Variants in KMT2A observed in about 807,000 individuals in gnomAD.
KMT2A encodes histone-lysine N-methyltransferase 2A.
KMT2A carries 16 observed loss-of-function variants against 345.3 expected under a neutral mutation model. The ratio of observed to expected loss-of-function variants is 0.05; its 90% CI spans 0.03 to 0.07. KMT2A has a LOEUF of 0.07. Ranked by LOEUF, KMT2A falls within the 10% of genes least tolerant of loss-of-function variation. The probability of loss-of-function intolerance (pLI) is 1.00; values close to 1 mark genes in which losing one functional copy is unlikely to be tolerated. For synonymous variants in KMT2A, 1,599 were observed against 1,778.6 expected, an observed-to-expected ratio of 0.90 and a Z score of 2.54; for missense variants, 3,272 against 4,841.6, an observed-to-expected ratio of 0.68 and a Z score of 9.62.
rs542107417 is a variant in KMT2A, at chr11:118,521,518, C to T, written c.11643+101C>T. 8.8e-6 allele frequency: 12 copies of T among 1,360,838 alleles called. No individual in the cohort carries two copies. In the South Asian group the frequency reaches 1.6e-4, roughly 18 times the overall value. The allele number at this position is 1,360,838 out of a possible 1,614,324, so 84.3% of individuals were successfully genotyped here. On this transcript the variant is annotated intron_variant, in intron 35 of 35. Transcript: ENST00000534358. This position sits in a 1 kb window ranked among gnomAD's most constrained non-coding sequence, Gnocchi z 5.3. ...AAAGAAATAGTGTATGTTATCAATTCAGAGACCTTTCTTAAAAAAATAAAC... is the reference window on the plus strand; with the variant it reads ...AAAGAAATAGTGTATGTTATCAATTTAGAGACCTTTCTTAAAAAAATAAAC...
chr11:118,472,938 A>G lies in KMT2A; in HGVS notation c.1779A>G (p.Ala593=). Residue 593 remains alanine (A), a synonymous_variant, in exon 3 of 36, where the codon GCA becomes GCG. Coordinates refer to ENST00000534358, the MANE Select transcript of KMT2A (RefSeq NM_001197104.2). Reference sequence around the variant, plus strand: ...TTATGCCTCCAACAATCCCCTTAGCATCACCATTTTTGCCTGCTTCCACTG... The same window carrying G: ...TTATGCCTCCAACAATCCCCTTAGCGTCACCATTTTTGCCTGCTTCCACTG... ...PWLMPPTIPL[A]SPFLPASTAP... 6.2e-7 allele frequency: 1 copy of G among 1,613,962 alleles called. No homozygotes were observed. The highest frequency in any genetic ancestry group is 8.5e-7 in the Non-Finnish European group (1 of 1,179,994).
Position 118,436,993 on chromosome 11 carries a change from G to C in KMT2A, c.432+49G>C, listed in dbSNP as rs1565558520. ...GTCCGGGGTCTCGACCCTCTGCGGA[G>C]CCCCCTCCCCTCCCCCATCCGGGAT... On this transcript the variant is annotated intron_variant, in intron 1 of 35. Coordinates refer to ENST00000534358, the MANE Select transcript of KMT2A (RefSeq NM_001197104.2). The surrounding 1 kb of genome is among the most constrained non-coding windows in gnomAD (Gnocchi z 6.9). 7.3e-7 allele frequency: 1 copy of C among 1,376,394 alleles called. No homozygotes were observed. The highest frequency in any genetic ancestry group is 2.9e-5 in the East Asian group (1 of 33,946). The allele number at this position is 1,376,394 out of a possible 1,614,324, so 85.3% of individuals were successfully genotyped here. A position where few individuals can be genotyped will look rare whatever the true frequency, so the allele number is the denominator to read the frequency against.
rs1591376428 is a variant in KMT2A, at chr11:118,474,000, T to C, written c.2841T>C (p.Ser947=). 1 of 1,613,704 alleles carries C rather than the reference T, an allele frequency of 6.2e-7. No homozygotes were observed. The highest frequency in any genetic ancestry group is 1.3e-5 in the African/African-American group (1 of 74,832). Reference sequence around the variant, plus strand: ...ATGATTCTGGGACTGATATTACTTCTGTGACTCTTGGGGATACAACAGCTG... The same window carrying C: ...ATGATTCTGGGACTGATATTACTTCCGTGACTCTTGGGGATACAACAGCTG... The part of the protein sequence containing the change: ...SSHDSGTDIT[S]VTLGDTTAVK... Residue 947 remains serine (S), a synonymous_variant, in exon 3 of 36, where the codon TCT becomes TCC. Transcript: ENST00000534358. The surrounding 1 kb of genome is among the most constrained non-coding windows in gnomAD (Gnocchi z 5.2).
chr11:118,462,570 A>T (rs1283001992), intron 1 of KMT2A, among the ~76,000 whole-genome samples: 14 of 151,930 alleles, frequency 9.2e-5, no homozygotes, highest in African/African-American at 2.2e-4. Flanking sequence ...TTATTTATTT[A>T]TTTTTTGAGA....
At chr11:118,506,723 C>A (rs1274497032) in intron 27 of KMT2A, 77 bp downstream of exon 27, 7 of 1,396,536 alleles carry the variant, frequency 5.0e-6, no homozygotes, top group Non-Finnish European at 6.8e-6. Flanking sequence ...ATGTGGTAGT[C>A]CGGGAGAGAC....
At chr11:118,474,369 T>A in intron 3 of KMT2A, 54 bp downstream of exon 3, 19 of 1,561,978 alleles carry the variant, frequency 1.2e-5, no homozygotes, top group Non-Finnish European at 1.6e-5. Flanking sequence ...GCCCTTTCTA[T>A]GGGCAAGTTT....
chr11:118,448,811 G>A (rs1019904971), intron 1 of KMT2A: 2 of 152,162 alleles, frequency 1.3e-5, no homozygotes, highest in African/African-American at 4.8e-5. Flanking sequence ...ATTGTTGCAG[G>A]AATTCTGCAA....
At position 118,473,410 on chromosome 11, in the gene KMT2A, CCTT is replaced by C. The variant is rs1555036432; in HGVS notation, c.2254_2256del (p.Ser752del). ...TCCTATTCGATCTGAACCAAGATCT[CCTT>C]CTCACTCCATGAGGACAAGAAGTGG... On this transcript the variant is annotated inframe_deletion, in exon 3 of 36. Coordinates refer to ENST00000534358, the MANE Select transcript of KMT2A (RefSeq NM_001197104.2). The surrounding 1 kb of genome is among the most constrained non-coding windows in gnomAD (Gnocchi z 5.2). The C allele has an allele frequency of 1.2e-6, 2 of 1,614,164 alleles. No individual in the cohort carries two copies. Among genetic ancestry groups the C allele is most frequent in the South Asian group, 1.1e-5 (1 of 91,080 alleles).
intron 6 of KMT2A, 133 bp from the exon 7 acceptor site, chr11:118,481,582 G>T: frequency 1.1e-6 from 1 of 918,764 alleles, no homozygotes; most frequent in Admixed American, 2.6e-5. Context: ...ATATCTCTTT[G>T]ATATACTGAT....
At chr11:118,454,598 G>A (rs1410019237) in intron 1 of KMT2A, among the ~76,000 whole-genome samples, 1 of 152,120 alleles carries the variant, frequency 6.6e-6, no homozygotes, top group Admixed American at 6.6e-5. Context: ...CTTACGAAGG[G>A]GCTACATCCT....
chr11:118,501,756 G>A lies in KMT2A; in HGVS notation c.6404G>A (p.Gly2135Asp). The part of the protein sequence containing the change: ...PDRPPHSQTS[G>D]SCYYHVISKV... ...CGACCTCCTCATTCACAAACCTCTG[G>A]CTCCTGTTATTATCATGTCATCTCA... Residue 2135 changes from glycine to aspartate, a missense_variant, in exon 26 of 36, where the codon GGC becomes GAC. Transcript: ENST00000534358. 1 of 1,613,964 alleles carries A rather than the reference G, an allele frequency of 6.2e-7. No individual in the cohort carries two copies.
intron 1 of KMT2A, 53 bp from the exon 2 acceptor site, chr11:118,468,722 G>A (rs1949891586): frequency 7.1e-7 from 1 of 1,416,064 alleles, no homozygotes; most frequent in Admixed American, 1.7e-5. Flanking sequence ...TTTGGGATGT[G>A]TTTGTATGCA....
At chr11:118,467,033 C>T (rs1949857051) in intron 1 of KMT2A, among the ~76,000 whole-genome samples, 1 of 151,710 alleles carries the variant, frequency 6.6e-6, no homozygotes, top group African/African-American at 2.4e-5. Flanking sequence ...AAAAAAATTA[C>T]TGTAGTCTGT....
At chr11:118,459,074 T>C (rs1324211374) in intron 1 of KMT2A, among the ~76,000 whole-genome samples, 1 of 152,202 alleles carries the variant, frequency 6.6e-6, no homozygotes, top group African/African-American at 2.4e-5. Flanking sequence ...TCAAACTCTT[T>C]TTTTTCCCCC....
chr11:118,474,038 T>C lies in KMT2A; in HGVS notation c.2879T>C (p.Ile960Thr), dbSNP rs1555036791. Residue 960 changes from isoleucine (I) to threonine (T), a missense_variant, in exon 3 of 36, where the codon ATA becomes ACA. Around this residue, in one of 27 missense-constraint regions of KMT2A, gnomAD observed 209 missense variants for 237.4 expected, o/e 0.88. Transcript: ENST00000534358. ...GATACAACAGCTGTCAAAACCAAAA[T>C]ACTTATAAAGAAAGGGAGAGGAAAT... ...LGDTTAVKTK[I>T]LIKKGRGNLE... 6.2e-7 allele frequency: 1 copy of C among 1,613,724 alleles called. No individual in the cohort carries two copies. Among genetic ancestry groups the C allele is most frequent in the East Asian group, 2.2e-5 (1 of 44,884 alleles).
intron 31 of KMT2A, among the ~76,000 whole-genome samples, chr11:118,519,063 G>A (rs1225904688): frequency 8.6e-6 from 1 of 115,856 alleles, no homozygotes; most frequent in Non-Finnish European, 1.7e-5. Flanking sequence ...GGGTGGCAGA[G>A]TGAGACTCCA....
chr11:118,515,240 C>A (rs895050830), intron 31 of KMT2A, among the ~76,000 whole-genome samples: 1 of 152,220 alleles, frequency 6.6e-6, no homozygotes, highest in African/African-American at 2.4e-5. Flanking sequence ...GGACCTATTT[C>A]CTCCATCTAC....
Position 118,496,005 on chromosome 11 carries a change from C to A in KMT2A, c.5557+112C>A. On this transcript the variant is annotated intron_variant, in intron 19 of 35. Transcript: ENST00000534358. This position sits in a 1 kb window ranked among gnomAD's most constrained non-coding sequence, Gnocchi z 4.7. The stretch of plus-strand genomic sequence containing the variant: ...TACTTGGATATCAGAAAGGAATTTT[C>A]AGGTCATCCTTAAATGTAATACCAT... The A allele has an allele frequency of 1.0e-6, 1 of 1,003,188 alleles. No individual in the cohort carries two copies. The highest frequency in any genetic ancestry group is 1.5e-6 in the Non-Finnish European group (1 of 669,096). 62.1% of individuals were successfully genotyped at this position (1,003,188 alleles called of 1,614,324 possible).
At chr11:118,483,797 C>A (rs1555040091) in intron 8 of KMT2A, among the ~76,000 whole-genome samples, 1 of 152,076 alleles carries the variant, frequency 6.6e-6, no homozygotes, top group Admixed American at 6.5e-5. Context: ...TTTGGGGGGC[C>A]AAGGCGGGAG....
Sources: allele counts gnomAD v4.1 joint callset (sites outside exome capture counted in the v4.1 genomes callset), GRCh38; gene constraint gnomAD v4.1.1; regional missense constraint gnomAD v4.1.1; non-coding constraint Gnocchi (gnomAD v3.1); transcripts MANE v1.5; gene names NCBI Gene and HGNC (gene_info 2026-07-23, HGNC 2026-07-21).